UBAC2: variants seen among roughly 807,000 people sequenced by gnomAD.
The protein encoded by UBAC2 is ubiquitin-associated domain-containing protein 2.
In UBAC2, 26 loss-of-function variants were observed where a neutral mutation model predicts 44.0. The ratio of observed to expected loss-of-function variants is 0.59; its 90% CI spans 0.43 to 0.82. The LOEUF is 0.82. Among genes scored for constraint, UBAC2 ranks in the 40% least tolerant of loss-of-function variants. UBAC2 has a pLI of 0.00. For synonymous variants in UBAC2, 155 were observed against 154.3 expected (o/e 1.00, Z -0.04); for missense variants, 329 against 419.4 (o/e 0.78, Z 1.88).
intron 8 of UBAC2, among the ~76,000 whole-genome samples, chr13:99,370,991 T>G (rs913705231): frequency 6.6e-6 from 1 of 152,244 alleles, no homozygotes; most frequent in Non-Finnish European, 1.5e-5. Flanking sequence ...AATTCCGTTA[T>G]GTTACTGTTT....
intron 8 of UBAC2, among the ~76,000 whole-genome samples, chr13:99,369,826 GT>G (rs1198216365): frequency 6.6e-6 from 1 of 152,200 alleles, no homozygotes; most frequent in African/African-American, 2.4e-5. Context: ...GGACCTATCA[GT>G]TATGTCCTTG....
chr13:99,352,111 T>C (rs1362134887), intron 7 of UBAC2, among the ~76,000 whole-genome samples: 3 of 152,214 alleles, frequency 2.0e-5, no homozygotes, highest in Non-Finnish European at 4.4e-5. Flanking sequence ...TGAGAGTTCC[T>C]ATCATTAATC....
chr13:99,357,556 A>G (rs1459742465), intron 7 of UBAC2, among the ~76,000 whole-genome samples: 1 of 152,238 alleles, frequency 6.6e-6, no homozygotes, highest in East Asian at 1.9e-4. Flanking sequence ...GCATATTCAT[A>G]CTTACACCAA....
chr13:99,254,833 G>A (rs758993071), intron 4 of UBAC2: 4 of 1,480,534 alleles, frequency 2.7e-6, no homozygotes, highest in East Asian at 2.3e-5. Context: ...AGAGTAGTTA[G>A]TGAAGTGAAT....
intron 6 of UBAC2, among the ~76,000 whole-genome samples, chr13:99,320,785 T>C (rs2044557617): frequency 6.6e-6 from 1 of 152,246 alleles, no homozygotes; most frequent in South Asian, 2.1e-4. Context: ...ATCAGTATTA[T>C]TTGTGAGTGT....
chr13:99,244,162 T>C (rs2043352858), intron 3 of UBAC2, among the ~76,000 whole-genome samples: 1 of 152,190 alleles, frequency 6.6e-6, no homozygotes, highest in African/African-American at 2.4e-5. Flanking sequence ...AATGATAATA[T>C]GTAGTATTAG....
chr13:99,217,764 T>G (rs1463331388), intron 1 of UBAC2, among the ~76,000 whole-genome samples: 1 of 152,276 alleles, frequency 6.6e-6, no homozygotes, highest in East Asian at 1.9e-4. Flanking sequence ...AAAATTGGCT[T>G]ATTTCAGACC....
intron 1 of UBAC2, among the ~76,000 whole-genome samples, chr13:99,208,046 G>A (rs1417837466): frequency 6.8e-6 from 1 of 147,166 alleles, no homozygotes; most frequent in Non-Finnish European, 1.5e-5. Context: ...TGCCCAGGCT[G>A]GAGTGCAATG....
chr13:99,235,612 A>G (rs952553536), intron 1 of UBAC2, among the ~76,000 whole-genome samples: 4 of 152,196 alleles, frequency 2.6e-5, no homozygotes, highest in Non-Finnish European at 5.9e-5. Context: ...ACCAAGATAC[A>G]AATCCATGCA....
At chr13:99,327,653 A>G (rs965120552) in intron 6 of UBAC2, among the ~76,000 whole-genome samples, 8 of 152,206 alleles carry the variant, frequency 5.3e-5, no homozygotes, top group African/African-American at 1.9e-4. Flanking sequence ...GATGTTATCA[A>G]AGGTCTTCCA....
rs377442433 is a variant in UBAC2 at position 99,292,297 on chromosome 13, A to G, written c.390-21800A>G. On this transcript the variant is annotated intron_variant, in intron 4 of 8. Coordinates refer to ENST00000403766, the MANE Select transcript of UBAC2 (RefSeq NM_001144072.2). ...ACTACAGGCGCCCACCACCACGCCCAGCTAATTTTTTTTTTTTTGTATTTT... is the reference window on the plus strand; with the variant it reads ...ACTACAGGCGCCCACCACCACGCCCGGCTAATTTTTTTTTTTTTGTATTTT... Among the ~76,000 whole-genome samples the G allele has an allele frequency of 7.4e-5, 11 of 147,692 alleles. No individual in the cohort carries two copies. The South Asian group carries it at 8.6e-4, about 12-fold the overall frequency.
At chr13:99,204,112 T>C (rs1310109875) in intron 1 of UBAC2, among the ~76,000 whole-genome samples, 1 of 152,248 alleles carries the variant, frequency 6.6e-6, no homozygotes, top group Middle Eastern at 3.2e-3. Context: ...GTATGTTTAC[T>C]GTGTAATGAT....
At chr13:99,364,818 G>C (rs533326066) in intron 7 of UBAC2, among the ~76,000 whole-genome samples, 2 of 152,310 alleles carry the variant, frequency 1.3e-5, no homozygotes, top group African/African-American at 4.8e-5. Flanking sequence ...TTAGATTACA[G>C]TATGTGAATG....
intron 1 of UBAC2, among the ~76,000 whole-genome samples, chr13:99,238,054 ATATG>A (rs1370508024): frequency 6.6e-6 from 1 of 152,272 alleles, no homozygotes; most frequent in Non-Finnish European, 1.5e-5. Flanking sequence ...GTATTTTTAT[ATATG>A]TATGAGTTTT....
chr13:99,299,613 TAAA>T (rs777627786), intron 4 of UBAC2, among the ~76,000 whole-genome samples: 1 of 152,084 alleles, frequency 6.6e-6, no homozygotes, highest in Non-Finnish European at 1.5e-5. Context: ...AATAAATAGG[TAAA>T]AAAAATTTTA....
At chr13:99,275,615 G>T (rs747330996) in intron 4 of UBAC2, among the ~76,000 whole-genome samples, 1 of 151,906 alleles carries the variant, frequency 6.6e-6, no homozygotes, top group Non-Finnish European at 1.5e-5. Context: ...CTCATATTGA[G>T]GATAGTTTCT....
At chr13:99,327,644 A>G (rs544507695) in intron 6 of UBAC2, among the ~76,000 whole-genome samples, 1 of 152,174 alleles carries the variant, frequency 6.6e-6, no homozygotes, top group Non-Finnish European at 1.5e-5. Flanking sequence ...ACAGCATAGG[A>G]TGTTATCAAA....
At chr13:99,227,939 C>T (rs1257850674) in intron 1 of UBAC2, among the ~76,000 whole-genome samples, 1 of 152,174 alleles carries the variant, frequency 6.6e-6, no homozygotes, top group Non-Finnish European at 1.5e-5. Flanking sequence ...AGTTGTAGAG[C>T]AGATATACTA....
rs573589974 is a variant in UBAC2 at position 99,385,416 on chromosome 13, G to A, written c.*81G>A. 8.5e-5 allele frequency: 96 copies of A among 1,132,212 alleles called. No individual in the cohort carries two copies. The highest frequency in any genetic ancestry group is 6.3e-4 in the South Asian group (50 of 78,828). The allele number at this position is 1,132,212 out of a possible 1,614,324, so 70.1% of individuals were successfully genotyped here. ...CCACCATCAGATCAGCCCGGGGACC[G>A]AGCATCTCTGGTGCTGATGTTCTTG... On this transcript the variant is annotated 3_prime_UTR_variant, in exon 9 of 9. Transcript: ENST00000403766.
Sources: gnomAD v4.1 joint callset for allele counts (sites outside exome capture counted in the v4.1 genomes callset) on GRCh38, gnomAD v4.1.1 for gene constraint, MANE v1.5 for transcripts, NCBI Gene and HGNC (gene_info 2026-07-23, HGNC 2026-07-21) for gene names.